Variants in LCOR observed in about 807,000 individuals in gnomAD.
The protein encoded by LCOR is ligand-dependent corepressor.
LCOR carries 14 observed loss-of-function variants against 64.4 expected under a neutral mutation model. That is an observed-to-expected ratio of 0.22 (90% CI 0.14 to 0.34). The LOEUF (loss-of-function observed/expected upper bound fraction) is 0.34. Among genes scored for constraint, LCOR ranks in the 10% least tolerant of loss-of-function variants. The pLI, the probability that LCOR is intolerant of heterozygous loss-of-function variation, is 1.00. For synonymous variants in LCOR, 643 were observed against 642.5 expected, an observed-to-expected ratio of 1.00 and a Z score of -0.01; for missense variants, 1,686 against 1,765.3, an observed-to-expected ratio of 0.96 and a Z score of 0.80.
chr10:96,988,465 A>G lies in LCOR; in HGVS notation c.*3331A>G, dbSNP rs1848167758. ...GAGGTGCCCTTAGTCATCCCTTTAC[A>G]TATGTGGTGCTTTCTAATGGGATCT... is the stretch of plus-strand genomic sequence containing the variant. On this transcript the variant is annotated 3_prime_UTR_variant, in exon 8 of 8. Coordinates refer to ENST00000421806, the MANE Select transcript of LCOR (RefSeq NM_001346516.2). The G allele has an allele frequency of 6.6e-6, 1 of 152,196 alleles. No homozygotes were observed. Among genetic ancestry groups the G allele is most frequent in the Admixed American group, 6.5e-5 (1 of 15,284 alleles). 9.4% of individuals were successfully genotyped at this position (152,196 alleles called of 1,614,324 possible).
intron 4 of LCOR, among the ~76,000 whole-genome samples, chr10:96,926,562 T>G (rs575409577): frequency 1.3e-5 from 2 of 152,250 alleles, no homozygotes; most frequent in African/African-American, 2.4e-5. Flanking sequence ...ATTTAGGCAC[T>G]GAGATAGTAT....
intron 2 of LCOR, among the ~76,000 whole-genome samples, chr10:96,833,814 G>A (rs566451935): frequency 2.6e-5 from 4 of 152,188 alleles, no homozygotes; most frequent in Non-Finnish European, 5.9e-5. Flanking sequence ...CCTGCTTTCT[G>A]GTGTCCATTC....
chr10:96,837,233 G>A (rs1056544221), intron 2 of LCOR, among the ~76,000 whole-genome samples: 4 of 151,908 alleles, frequency 2.6e-5, no homozygotes, highest in Non-Finnish European at 4.4e-5. Context: ...CTCGTGATCT[G>A]CCCGCCTTGG....
At chr10:96,942,611 T>C (rs1759719807) in intron 4 of LCOR, among the ~76,000 whole-genome samples, 2 of 152,242 alleles carry the variant, frequency 1.3e-5, no homozygotes, top group African/African-American at 4.8e-5. Context: ...GTTCTTCATA[T>C]TAAGCTTTTT....
At position 96,989,173 on chromosome 10, in the gene LCOR, T is replaced by G. The variant is rs961632620; in HGVS notation, c.*4039T>G. 1 of 152,214 alleles carries G rather than the reference T, an allele frequency of 6.6e-6. No homozygotes were observed. Among genetic ancestry groups the G allele is most frequent in the Non-Finnish European group, 1.5e-5 (1 of 68,036 alleles). 9.4% of individuals were successfully genotyped at this position (152,214 alleles called of 1,614,324 possible). A position where few individuals can be genotyped will look rare whatever the true frequency, so the allele number is the denominator to read the frequency against. ...ACTTGAGCAACCTTAGCATTCCATC[T>G]TCTTAAAAAAAACCATCACAGTAGC... On this transcript the variant is annotated 3_prime_UTR_variant, in exon 8 of 8. Transcript: ENST00000421806.
At chr10:96,883,469 G>A (rs148222396) in intron 2 of LCOR, among the ~76,000 whole-genome samples, 8 of 152,144 alleles carry the variant, frequency 5.3e-5, no homozygotes, top group South Asian at 4.1e-4. Flanking sequence ...GTACAATTTC[G>A]CATTTCTGAG....
intron 4 of LCOR, among the ~76,000 whole-genome samples, chr10:96,917,071 C>T (rs1163782844): frequency 6.6e-6 from 1 of 152,216 alleles, no homozygotes; most frequent in Non-Finnish European, 1.5e-5. Context: ...ATTAAAACTG[C>T]TTGATATGAA....
At chr10:96,974,678 T>C (rs1848024201) in intron 7 of LCOR, among the ~76,000 whole-genome samples, 1 of 152,184 alleles carries the variant, frequency 6.6e-6, no homozygotes, top group African/African-American at 2.4e-5. Flanking sequence ...GCAAGTGCTA[T>C]ATTTAGGGTT....
intron 7 of LCOR, among the ~76,000 whole-genome samples, chr10:96,979,378 C>A (rs973044206): frequency 3.3e-5 from 5 of 152,126 alleles, no homozygotes; most frequent in African/African-American, 9.7e-5. Flanking sequence ...TCAGTACAAC[C>A]CAGACATCCA....
intron 2 of LCOR, among the ~76,000 whole-genome samples, chr10:96,867,743 A>G (rs1845998254): frequency 6.6e-6 from 1 of 152,164 alleles, no homozygotes; most frequent in African/African-American, 2.4e-5. Flanking sequence ...TTTTATATGT[A>G]TAGATATATA....
chr10:96,920,487 CAT>C lies in LCOR; in HGVS notation c.-184+12747_-184+12748del, dbSNP rs1233661789. 1.8e-3 allele frequency among the ~76,000 whole-genome samples: 139 copies of C among 75,918 alleles called. 1 individual carries two copies. Among genetic ancestry groups the C allele is most frequent in the Middle Eastern group, 0.016 (2 of 126 alleles). The allele number at this position is 75,918 out of a possible 152,430, so 49.8% of individuals were successfully genotyped here. A position where few individuals can be genotyped will look rare whatever the true frequency, so the allele number is the denominator to read the frequency against. On this transcript the variant is annotated intron_variant, in intron 4 of 7. Transcript: ENST00000421806. ...ATATATGTGTATATATATGTATATT[CAT>C]ATATATGTGTATATATGTATGTATA...
Position 96,933,696 on chromosome 10 carries a change from T to C in LCOR, c.-183-10417T>C, listed in dbSNP as rs530799094. Among the ~76,000 whole-genome samples, 3 of 152,252 alleles carry C rather than the reference T, an allele frequency of 2.0e-5. No individual in the cohort carries two copies. The East Asian group carries it at 5.8e-4, about 29-fold the overall frequency. On this transcript the variant is annotated intron_variant, in intron 4 of 7. Transcript: ENST00000421806. ...CACCACGCCTGCCTAATTTTTGTATTTTTAGTAGAGATGGGATTTCACCGT... is the reference window on the plus strand; with the variant it reads ...CACCACGCCTGCCTAATTTTTGTATCTTTAGTAGAGATGGGATTTCACCGT...
At chr10:96,858,549 A>G (rs1028139952) in intron 2 of LCOR, among the ~76,000 whole-genome samples, 1 of 152,228 alleles carries the variant, frequency 6.6e-6, no homozygotes, top group African/African-American at 2.4e-5. Flanking sequence ...TGAGACTATC[A>G]TGAGTTTCCT....
In LCOR at chr10:96,832,318, A is replaced by G; in HGVS notation, c.-485A>G. ...GCGGCAGAAGATGGCGAGGGTGTGT[A>G]GGCGGCAGCAATGCTCCGTTGAGAG... On this transcript the variant is annotated 5_prime_UTR_variant, in exon 1 of 8. Coordinates refer to ENST00000421806, the MANE Select transcript of LCOR (RefSeq NM_001346516.2). 3.1e-6 allele frequency: 3 copies of G among 983,594 alleles called. No individual in the cohort carries two copies. The highest frequency in any genetic ancestry group is 3.6e-6 in the Non-Finnish European group (3 of 829,278). The allele number at this position is 983,594 out of a possible 1,614,324, so 60.9% of individuals were successfully genotyped here.
chr10:96,897,735 C>T (rs186046938), intron 2 of LCOR, among the ~76,000 whole-genome samples: 128 of 152,018 alleles, frequency 8.4e-4, no homozygotes, highest in African/African-American at 2.7e-3. Flanking sequence ...TACAGCTTTC[C>T]GCAAAAAAAG....
chr10:96,903,866 A>G (rs1447960262), intron 2 of LCOR, among the ~76,000 whole-genome samples: 1 of 152,216 alleles, frequency 6.6e-6, no homozygotes, highest in Non-Finnish European at 1.5e-5. Flanking sequence ...TAAGAGAAAC[A>G]TTGCTTTCTA....
chr10:96,918,096 G>A (rs1846986623), intron 4 of LCOR, among the ~76,000 whole-genome samples: 2 of 152,192 alleles, frequency 1.3e-5, no homozygotes, highest in Admixed American at 1.3e-4. Context: ...TTGAGCAAAC[G>A]AAGTTTCTAA....
intron 4 of LCOR, among the ~76,000 whole-genome samples, chr10:96,941,299 C>T (rs1482383729): frequency 1.4e-5 from 2 of 143,996 alleles, no homozygotes; most frequent in African/African-American, 2.6e-5. Context: ...GATCCCCCCA[C>T]CTCCCTCCCG....
At chr10:96,833,585 G>C in intron 2 of LCOR, 106 bp downstream of exon 2, 1 of 368,888 alleles carries the variant, frequency 2.7e-6, no homozygotes, top group Non-Finnish European at 3.8e-6. Context: ...CCCCGTCTTT[G>C]CTTCGGTGCT....
Sources: gnomAD v4.1 joint callset for allele counts (sites outside exome capture counted in the v4.1 genomes callset) on GRCh38, gnomAD v4.1.1 for gene constraint, MANE v1.5 for transcripts, NCBI Gene and HGNC (gene_info 2026-07-23, HGNC 2026-07-21) for gene names.